The following CNGA3 variants were observed in gnomAD, a reference collection of about 807,000 sequenced individuals.
The protein encoded by CNGA3 is cyclic nucleotide-gated channel alpha-3.
In CNGA3, 42 loss-of-function variants were observed where a neutral mutation model predicts 46.6. That is an observed-to-expected ratio of 0.90 (90% CI 0.70 to 1.17). CNGA3 has a LOEUF of 1.17. CNGA3 is among the 50% of genes most tolerant of loss of function. The pLI is 0.00. For missense variants in CNGA3, 893 were observed against 890.7 expected, an observed-to-expected ratio of 1.00 and a Z score of -0.03; for synonymous variants, 394 against 369.4, an observed-to-expected ratio of 1.07 and a Z score of -0.76.
rs1438868509 is a variant in CNGA3 at position 98,369,390 on chromosome 2, A to G, written c.-37-549A>G. ...TCATCTTTAAATGGGAATAAAAATA[A>G]TAAGTACCTCACAAAGTTACTGTAA... On this transcript the variant is annotated intron_variant, in intron 1 of 7. Transcript: ENST00000272602. Among the ~76,000 whole-genome samples the G allele has an allele frequency of 2.0e-5, 3 of 152,264 alleles. No individual in the cohort carries two copies. In the East Asian group the frequency reaches 5.8e-4, roughly 29 times the overall value.
chr2:98,396,534 A>G lies in CNGA3; in HGVS notation c.1364A>G (p.Glu455Gly), dbSNP rs1482468950. 1 of 1,614,002 alleles carries G rather than the reference A, an allele frequency of 6.2e-7. No individual in the cohort carries two copies. The highest frequency in any genetic ancestry group is 8.5e-7 in the Non-Finnish European group (1 of 1,180,012). The change falls in exon 8 of 8, where the codon GAG becomes GGG. Residue 455 changes from glutamate (E) to glycine (G), a missense_variant. Glu to Gly is a moderately conservative substitution (Grantham distance 98). This residue lies in a region of CNGA3 where 548 missense variants were observed against 570.8 expected (regional missense o/e 0.96). Coordinates refer to ENST00000272602, the MANE Select transcript of CNGA3 (RefSeq NM_001298.3). Reference protein sequence around the residue: ...WANKKTVDEKEVLKSLPDKLK... With the variant: ...WANKKTVDEKGVLKSLPDKLK... ...AACAAGAAGACGGTGGATGAGAAGG[A>G]GGTGCTCAAGAGCCTCCCAGACAAG...
intron 5 of CNGA3, among the ~76,000 whole-genome samples, chr2:98,386,988 T>C (rs374315810): frequency 5.3e-5 from 8 of 152,250 alleles, no homozygotes; most frequent in African/African-American, 1.9e-4. Flanking sequence ...AGTAGACTTC[T>C]GACCTACAGA....
intron 1 of CNGA3, among the ~76,000 whole-genome samples, chr2:98,354,023 T>C (rs187322746): frequency 3.3e-5 from 5 of 152,210 alleles, no homozygotes; most frequent in Non-Finnish European, 5.9e-5. Context: ...ACCTCCAACA[T>C]TGGGGATTAC....
intron 1 of CNGA3, among the ~76,000 whole-genome samples, chr2:98,352,446 G>A (rs1198742217): frequency 6.6e-6 from 1 of 152,118 alleles, no homozygotes. Flanking sequence ...TTAACATTTT[G>A]AGGAACTGCC....
rs925537525 is a variant in CNGA3 at position 98,367,175 on chromosome 2, T to C, written c.-37-2764T>C. Among the ~76,000 whole-genome samples the C allele has an allele frequency of 4.5e-4, 57 of 127,454 alleles. 3 individuals are homozygous for C. The highest frequency in any genetic ancestry group is 6.1e-4 in the Non-Finnish European group (35 of 57,604). 83.6% of individuals were successfully genotyped at this position (127,454 alleles called of 152,430 possible). A position where few individuals can be genotyped will look rare whatever the true frequency, so the allele number is the denominator to read the frequency against. The stretch of plus-strand genomic sequence containing the variant: ...AACCTCTGACATCAGCTGTTTTTTT[T>C]CTTTTTTTTCTTTTTTTTTTTTTTT... On this transcript the variant is annotated intron_variant, in intron 1 of 7. Transcript: ENST00000272602.
chr2:98,396,408 T>A lies in CNGA3; in HGVS notation c.1238T>A (p.Phe413Tyr). Residue 413 changes from phenylalanine to tyrosine, a missense_variant, in exon 8 of 8, where the codon TTC (phenylalanine) becomes TAC (tyrosine). By Grantham distance (22) the Phe-to-Tyr change is conservative. Around this residue, in one of 3 missense-constraint regions of CNGA3, gnomAD observed 548 missense variants for 570.8 expected, o/e 0.96. Transcript: ENST00000272602. ...AATATGAATGCCTCACGGGCAGAGT[T>A]CCAGGCCAAGATTGATTCCATCAAG... The part of the protein sequence containing the change: ...ISNMNASRAE[F>Y]QAKIDSIKQY... 1 of 1,613,898 alleles carries A rather than the reference T, an allele frequency of 6.2e-7. No individual in the cohort carries two copies. Among genetic ancestry groups the A allele is most frequent in the Non-Finnish European group, 8.5e-7 (1 of 1,180,008 alleles).
chr2:98,392,545 AG>A (rs975633375), intron 7 of CNGA3, among the ~76,000 whole-genome samples: 2 of 151,912 alleles, frequency 1.3e-5, no homozygotes, highest in African/African-American at 4.8e-5. Flanking sequence ...TGGGTGACAT[AG>A]CAACATTCTG....
chr2:98,379,919 A>C, intron 3 of CNGA3: 1 of 568,734 alleles, frequency 1.8e-6, no homozygotes, highest in Non-Finnish European at 3.2e-6. Context: ...TAATAAAGAG[A>C]GTGTCCCTTT....
chr2:98,380,134 T>C, intron 3 of CNGA3, 41 bp from the exon 4 acceptor site: 1 of 1,610,424 alleles, frequency 6.2e-7, no homozygotes, highest in Non-Finnish European at 8.5e-7. Context: ...TGTGGGGGGC[T>C]TTTCCTCTCC....
chr2:98,384,110 C>T (rs981667771), intron 5 of CNGA3, among the ~76,000 whole-genome samples: 3 of 152,004 alleles, frequency 2.0e-5, no homozygotes, highest in Non-Finnish European at 2.9e-5. Flanking sequence ...AGGATGGTCT[C>T]GACCTCCTGA....
chr2:98,348,805 G>A (rs1440970191), intron 1 of CNGA3, among the ~76,000 whole-genome samples: 6 of 152,216 alleles, frequency 3.9e-5, no homozygotes, highest in African/African-American at 1.2e-4. Context: ...TGCCCTCTGG[G>A]ACCTCACAGT....
rs1692948766 is a variant in CNGA3 at position 98,397,457 on chromosome 2, G to T, written c.*202G>T. On this transcript the variant is annotated 3_prime_UTR_variant, in exon 8 of 8. Transcript: ENST00000272602. ...TCAGTCCCAGTGAAGTGCCAGGTTT[G>T]ATTGTGAAGTCCGCATGAAACACTG... 1.6e-6 allele frequency: 1 copy of T among 630,302 alleles called. No individual in the cohort carries two copies. The highest frequency in any genetic ancestry group is 2.8e-6 in the Non-Finnish European group (1 of 356,762). The allele number at this position is 630,302 out of a possible 1,614,324, so 39.0% of individuals were successfully genotyped here.
At position 98,365,790 on chromosome 2, in the gene CNGA3, G is replaced by T. The variant is rs187449746; in HGVS notation, c.-37-4149G>T. 2.0e-5 allele frequency among the ~76,000 whole-genome samples: 3 copies of T among 152,148 alleles called. No individual in the cohort carries two copies. The South Asian group carries it at 6.2e-4, about 32-fold the overall frequency. On this transcript the variant is annotated intron_variant, in intron 1 of 7. Coordinates refer to ENST00000272602, the MANE Select transcript of CNGA3 (RefSeq NM_001298.3). ...TCTAAACTGGTTACTCTGGTTAACA[G>T]CTCCTGTAATGTTTTATCATGGTTC...
intron 1 of CNGA3, among the ~76,000 whole-genome samples, chr2:98,351,428 G>A (rs2055592): frequency 1.2e-4 from 18 of 152,042 alleles, no homozygotes; most frequent in South Asian, 8.3e-4. Flanking sequence ...AAGGGGGAGC[G>A]TCCCTGCACA....
In CNGA3 at chr2:98,397,251, A is replaced by G. The variant is rs947764588; in HGVS notation, c.2081A>G (p.Gln694Arg). 1.9e-6 allele frequency: 3 copies of G among 1,613,590 alleles called. No homozygotes were observed. The highest frequency in any genetic ancestry group is 2.2e-5 in the East Asian group (1 of 44,876). ...GCTACAAAAACAGAGGACAAACAAC[A>G]GTGAAAATGCAGCATCTGTCTCCTG... is the stretch of plus-strand genomic sequence containing the variant. ...GDATKTEDKQ[Q>R] Residue 694 changes from glutamine to arginine, a missense_variant, in exon 8 of 8, where the codon CAG (glutamine) becomes CGG (arginine). This residue lies in a region of CNGA3 where 548 missense variants were observed against 570.8 expected (regional missense o/e 0.96). Coordinates refer to ENST00000272602, the MANE Select transcript of CNGA3 (RefSeq NM_001298.3).
In CNGA3 at chr2:98,370,136, G is replaced by A. The variant is rs977707891; in HGVS notation, c.101+60G>A. The A allele has an allele frequency of 2.2e-6, 3 of 1,339,224 alleles. No individual in the cohort carries two copies. The African/African-American group carries it at 4.3e-5, about 19-fold the overall frequency. 83.0% of individuals were successfully genotyped at this position (1,339,224 alleles called of 1,614,324 possible). A position where few individuals can be genotyped will look rare whatever the true frequency, so the allele number is the denominator to read the frequency against. On this transcript the variant is annotated intron_variant, in intron 2 of 7. Transcript: ENST00000272602. Reference sequence around the variant, plus strand: ...CCTGGCTCTGGTCATTTCCACAGCTGATCTAGACTGTGGGGGAAGAATGCC... The same window carrying A: ...CCTGGCTCTGGTCATTTCCACAGCTAATCTAGACTGTGGGGGAAGAATGCC...
At position 98,396,486 on chromosome 2, in the gene CNGA3, G is replaced by C; in HGVS notation, c.1316G>C (p.Arg439Pro). ...AAGGACTTGGAGACGCGGGTTATCCGGTGGTTTGACTACCTGTGGGCCAAC... is the reference window on the plus strand; with the variant it reads ...AAGGACTTGGAGACGCGGGTTATCCCGTGGTTTGACTACCTGTGGGCCAAC... ...VTKDLETRVI[R>P]WFDYLWANKK... Residue 439 changes from arginine to proline, a missense_variant, in exon 8 of 8, where the codon CGG (arginine) becomes CCG (proline). Physicochemically the swap from Arg to Pro is moderately radical, Grantham distance 103. This residue lies in a region of CNGA3 where 548 missense variants were observed against 570.8 expected (regional missense o/e 0.96). Coordinates refer to ENST00000272602, the MANE Select transcript of CNGA3 (RefSeq NM_001298.3). The C allele has an allele frequency of 6.2e-7, 1 of 1,613,960 alleles. No individual in the cohort carries two copies. The highest frequency in any genetic ancestry group is 8.5e-7 in the Non-Finnish European group (1 of 1,180,036).
Position 98,396,584 on chromosome 2 carries a change from G to A in CNGA3, c.1414G>A (p.Val472Met), listed in dbSNP as rs772806640. 1.2e-5 allele frequency: 19 copies of A among 1,613,780 alleles called. No homozygotes were observed. The highest frequency in any genetic ancestry group is 9.9e-5 in the South Asian group (9 of 91,062). The change falls in exon 8 of 8, where the codon GTG (valine) becomes ATG (methionine). Residue 472 changes from valine to methionine, a missense_variant. Transcript: ENST00000272602. ...GCTGAAGGCTGAGATCGCCATCAAC[G>A]TGCACCTGGACACGCTGAAGAAGGT... ...DKLKAEIAIN[V>M]HLDTLKKVRI... is the part of the protein sequence containing the mutation.
At chr2:98,355,770 C>A (rs796676957) in intron 1 of CNGA3, 3 of 152,054 alleles carry the variant, frequency 2.0e-5, no homozygotes, top group African/African-American at 7.3e-5. Flanking sequence ...TTAAATAAGG[C>A]CATTTCTATT....
Sources: gnomAD v4.1 joint callset for allele counts (sites outside exome capture counted in the v4.1 genomes callset) on GRCh38, gnomAD v4.1.1 for gene constraint, gnomAD v4.1.1 regional missense constraint, MANE v1.5 for transcripts, NCBI Gene and HGNC (gene_info 2026-07-23, HGNC 2026-07-21) for gene names.